The following HPSE2 variants were observed in gnomAD, a reference collection of about 807,000 sequenced individuals.
The protein encoded by HPSE2 is inactive heparanase-2.
In HPSE2, 38 loss-of-function variants were observed where a neutral mutation model predicts 60.5. That is an observed-to-expected ratio of 0.63 (90% CI 0.48 to 0.82). The LOEUF (loss-of-function observed/expected upper bound fraction) is 0.82. HPSE2 is among the 40% of genes least tolerant of loss of function. HPSE2 has a pLI of 0.00. For missense variants in HPSE2, 713 were observed against 740.4 expected, an observed-to-expected ratio of 0.96 and a Z score of 0.43; for synonymous variants, 295 against 293.2, an observed-to-expected ratio of 1.01 and a Z score of -0.06.
In HPSE2 at chr10:99,083,914, CT is replaced by C. The variant is rs1843227515; in HGVS notation, c.610+60323del. On this transcript the variant is annotated intron_variant, in intron 3 of 11. Coordinates refer to ENST00000370552, the MANE Select transcript of HPSE2 (RefSeq NM_021828.5). ...ACCTGAGCCAGAAGGCATTGTTCAT[CT>C]GCAAGTCTGGACTAAAGGCCCAAAA... Among the ~76,000 whole-genome samples the C allele has an allele frequency of 2.1e-5, 3 of 145,382 alleles. No individual in the cohort carries two copies. In the South Asian group the frequency reaches 6.4e-4, roughly 31 times the overall value.
intron 5 of HPSE2, among the ~76,000 whole-genome samples, chr10:98,710,752 C>A (rs1267500473): frequency 6.6e-6 from 1 of 152,140 alleles, no homozygotes; most frequent in African/African-American, 2.4e-5. Context: ...AATTCTGATT[C>A]TAAAGCCCTT....
intron 4 of HPSE2, among the ~76,000 whole-genome samples, chr10:98,734,066 A>G (rs10736138): frequency 0.95 from 144,027 of 152,240 alleles, 68,618 homozygotes; most frequent in East Asian, 1. Flanking sequence ...GTCTCTGTAG[A>G]TTTGTCTATT....
chr10:98,530,400 C>T (rs916668329), intron 9 of HPSE2, among the ~76,000 whole-genome samples: 8 of 152,190 alleles, frequency 5.3e-5, no homozygotes, highest in Non-Finnish European at 7.3e-5. Context: ...GTAAGACTGA[C>T]GTGGACTCCA....
chr10:98,849,281 T>C (rs1345764865), intron 3 of HPSE2, among the ~76,000 whole-genome samples: 1 of 152,202 alleles, frequency 6.6e-6, no homozygotes, highest in Non-Finnish European at 1.5e-5. Flanking sequence ...AGGTACTTCA[T>C]CATGTGTATG....
intron 5 of HPSE2, among the ~76,000 whole-genome samples, chr10:98,713,303 G>C (rs1948717682): frequency 6.6e-6 from 1 of 152,034 alleles, no homozygotes; most frequent in Non-Finnish European, 1.5e-5. Flanking sequence ...GCAAGTGACT[G>C]ACATCATATG....
At chr10:98,625,659 C>T (rs575540523) in intron 7 of HPSE2, among the ~76,000 whole-genome samples, 2 of 152,198 alleles carry the variant, frequency 1.3e-5, no homozygotes, top group East Asian at 3.9e-4. Flanking sequence ...TATAATATAA[C>T]CAATGTTGCT....
At chr10:98,679,856 AT>A (rs1201797844) in intron 6 of HPSE2, among the ~76,000 whole-genome samples, 13 of 148,878 alleles carry the variant, frequency 8.7e-5, no homozygotes, top group South Asian at 2.1e-4. Flanking sequence ...CACCCGGCTA[AT>A]TTTTTTTTTA....
chr10:99,042,245 C>A (rs1281964769), intron 3 of HPSE2, among the ~76,000 whole-genome samples: 3 of 152,098 alleles, frequency 2.0e-5, no homozygotes, highest in African/African-American at 4.8e-5. Flanking sequence ...GGAGAAGAGG[C>A]CAGACTGTGT....
intron 3 of HPSE2, among the ~76,000 whole-genome samples, chr10:98,831,544 C>T (rs1951683855): frequency 6.6e-6 from 1 of 152,168 alleles, no homozygotes; most frequent in South Asian, 2.1e-4. Context: ...TTAATAAGAA[C>T]CTGCATTTTA....
chr10:98,809,360 A>C (rs1310268972), intron 3 of HPSE2, among the ~76,000 whole-genome samples: 1 of 152,068 alleles, frequency 6.6e-6, no homozygotes, highest in African/African-American at 2.4e-5. Flanking sequence ...AACCTTTTAA[A>C]ATTAGGGTAC....
chr10:98,706,129 G>A lies in HPSE2; in HGVS notation c.957-12182C>T, dbSNP rs550471158. Among the ~76,000 whole-genome samples, 10 of 152,152 alleles carry A rather than the reference G, an allele frequency of 6.6e-5. No individual in the cohort carries two copies. In the South Asian group the frequency reaches 1.9e-3, roughly 29 times the overall value. On this transcript the variant is annotated intron_variant, in intron 5 of 11. Coordinates refer to ENST00000370552, the MANE Select transcript of HPSE2 (RefSeq NM_021828.5). ...GAGGAGTTGTGAGATTATGAGACTT[G>A]CTCAAATTCATGTAGTTAGTGCAGG...
At chr10:98,743,805 T>A in intron 4 of HPSE2, 78 bp downstream of exon 4, 1 of 1,298,178 alleles carries the variant, frequency 7.7e-7, no homozygotes, top group Non-Finnish European at 1.1e-6. Context: ...AGAGATGGTC[T>A]GATTGAGACT....
rs76703785 is a variant in HPSE2 at position 99,200,720 on chromosome 10, C to T, written c.448+31628G>A. ...GACAAGTAACAGGGCCATTCACTCACCCAGTCCTTGTTTCTAAGCAAGAAC... is the reference window on the plus strand; with the variant it reads ...GACAAGTAACAGGGCCATTCACTCATCCAGTCCTTGTTTCTAAGCAAGAAC... On this transcript the variant is annotated intron_variant, in intron 2 of 11. Coordinates refer to ENST00000370552, the MANE Select transcript of HPSE2 (RefSeq NM_021828.5). Among the ~76,000 whole-genome samples the T allele has an allele frequency of 5.7e-3, 871 of 152,192 alleles. 4 individuals carry two copies. The highest frequency in any genetic ancestry group is 9.5e-3 in the Non-Finnish European group (648 of 67,978).
At chr10:98,889,387 A>C (rs1288848302) in intron 3 of HPSE2, among the ~76,000 whole-genome samples, 1 of 143,454 alleles carries the variant, frequency 7.0e-6, no homozygotes, top group African/African-American at 2.6e-5. Flanking sequence ...TTGTATTTTC[A>C]GTAGTGACAG....
At chr10:98,932,042 G>A (rs1564666512) in intron 3 of HPSE2, among the ~76,000 whole-genome samples, 1 of 143,798 alleles carries the variant, frequency 7.0e-6, no homozygotes, top group East Asian at 2.0e-4. Flanking sequence ...TCCTTGTCTT[G>A]TGCCACTTTT....
At chr10:98,555,877 A>G (rs1364707952) in intron 9 of HPSE2, among the ~76,000 whole-genome samples, 1 of 152,188 alleles carries the variant, frequency 6.6e-6, no homozygotes, top group Non-Finnish European at 1.5e-5. Context: ...CACCATAATT[A>G]CAAAGCATAC....
At chr10:98,722,056 C>G (rs181893236) in intron 4 of HPSE2, among the ~76,000 whole-genome samples, 1 of 151,564 alleles carries the variant, frequency 6.6e-6, no homozygotes, top group Non-Finnish European at 1.5e-5. Context: ...ATAACCTAAT[C>G]AACACCGGAG....
chr10:98,822,177 C>G (rs923809809), intron 3 of HPSE2, among the ~76,000 whole-genome samples: 4 of 152,120 alleles, frequency 2.6e-5, no homozygotes, highest in Non-Finnish European at 5.9e-5. Context: ...CAAATAGTTA[C>G]AACTGTCTTG....
At chr10:98,988,337 A>G (rs1191584579) in intron 3 of HPSE2, among the ~76,000 whole-genome samples, 1 of 152,308 alleles carries the variant, frequency 6.6e-6, no homozygotes, top group African/African-American at 2.4e-5. Flanking sequence ...CAGAAATAAC[A>G]CCACATATCT....
Sources: gnomAD v4.1 joint callset for allele counts (sites outside exome capture counted in the v4.1 genomes callset) on GRCh38, gnomAD v4.1.1 for gene constraint, MANE v1.5 for transcripts, NCBI Gene and HGNC (gene_info 2026-07-23, HGNC 2026-07-21) for gene names.